NELL1: variants seen among roughly 807,000 people sequenced by gnomAD.
NELL1 encodes protein kinase C-binding protein NELL1.
Under a neutral mutation model 107.4 loss-of-function variants are expected in NELL1, and 76 were observed. That is an observed-to-expected ratio of 0.71 (90% CI 0.59 to 0.86). NELL1 has a LOEUF of 0.86. Ranked by LOEUF, NELL1 falls within the 40% of genes least tolerant of loss-of-function variation. The pLI is 0.00. For missense variants in NELL1, 1,024 were observed against 1,005.5 expected (o/e 1.02, Z -0.25); for synonymous variants, 353 against 341.2 (o/e 1.03, Z -0.38).
chr11:20,750,559 C>T (rs925339149), intron 2 of NELL1, among the ~76,000 whole-genome samples: 15 of 86,556 alleles, frequency 1.7e-4, no homozygotes, highest in Non-Finnish European at 3.7e-4. Flanking sequence ...TAATGTACCT[C>T]GGAATTATTA....
intron 13 of NELL1, among the ~76,000 whole-genome samples, chr11:21,180,183 A>G (rs1856799302): frequency 6.6e-6 from 1 of 151,728 alleles, no homozygotes; most frequent in African/African-American, 2.4e-5. Flanking sequence ...TGCTGTTCTT[A>G]TATAATTAAA....
intron 2 of NELL1, among the ~76,000 whole-genome samples, chr11:20,679,287 G>A (rs1336344450): frequency 6.6e-6 from 1 of 152,150 alleles, no homozygotes; most frequent in Non-Finnish European, 1.5e-5. Flanking sequence ...GTTTAAACAG[G>A]GAAATGAACT....
intron 13 of NELL1, chr11:21,170,138 G>T: frequency 2.9e-6 from 2 of 682,450 alleles, no homozygotes; most frequent in South Asian, 3.5e-5. Flanking sequence ...TTTGTTCCAT[G>T]ACTCCTTCAA....
intron 12 of NELL1, among the ~76,000 whole-genome samples, chr11:21,041,669 A>G (rs1338057874): frequency 6.6e-6 from 1 of 152,218 alleles, no homozygotes; most frequent in African/African-American, 2.4e-5. Flanking sequence ...CAAAGTTTTA[A>G]AAGTGGAAAA....
intron 5 of NELL1, among the ~76,000 whole-genome samples, chr11:20,900,821 T>G (rs1400549378): frequency 6.6e-6 from 1 of 152,098 alleles, no homozygotes; most frequent in African/African-American, 2.4e-5. Context: ...GAAAATTTGT[T>G]TTTATCTTCA....
At chr11:21,227,439 G>T (rs1300123513) in intron 13 of NELL1, among the ~76,000 whole-genome samples, 1 of 152,032 alleles carries the variant, frequency 6.6e-6, no homozygotes, top group Admixed American at 6.6e-5. Flanking sequence ...AAACGTTCAG[G>T]CTAGCAAAGA....
chr11:21,357,977 T>C (rs554610090), intron 14 of NELL1, among the ~76,000 whole-genome samples: 1 of 152,308 alleles, frequency 6.6e-6, no homozygotes, highest in African/African-American at 2.4e-5. Flanking sequence ...TTATTTCTGC[T>C]TTCTCTATTC....
intron 12 of NELL1, among the ~76,000 whole-genome samples, chr11:20,972,522 A>G (rs1245655225): frequency 6.6e-6 from 1 of 152,128 alleles, no homozygotes; most frequent in Non-Finnish European, 1.5e-5. Context: ...CCGTAGCATG[A>G]GATAGAATTA....
intron 15 of NELL1, among the ~76,000 whole-genome samples, chr11:21,427,055 C>T (rs572830607): frequency 6.6e-5 from 10 of 152,152 alleles, no homozygotes; most frequent in Non-Finnish European, 8.8e-5. Context: ...GCTGGTGGTG[C>T]GTGGGCCTGG....
intron 12 of NELL1, among the ~76,000 whole-genome samples, chr11:21,071,755 G>C (rs745723496): frequency 5.3e-5 from 8 of 152,150 alleles, no homozygotes; most frequent in Non-Finnish European, 7.3e-5. Context: ...ATCAAAGCTC[G>C]GCTCTAAGAG....
rs137948986 is a variant in NELL1 at position 20,721,181 on chromosome 11, G to GTATATATATATATATATATATATATA, written c.184+43137_184+43138insTATATATATATATATATATATATATA. Among the ~76,000 whole-genome samples the GTATATATATATATATATATATATATA allele has an allele frequency of 5.3e-3, 666 of 125,538 alleles. 26 individuals are homozygous for GTATATATATATATATATATATATATA. The highest frequency in any genetic ancestry group is 0.021 in the African/African-American group (579 of 27,592). 82.4% of individuals were successfully genotyped at this position (125,538 alleles called of 152,430 possible). A position where few individuals can be genotyped will look rare whatever the true frequency, so the allele number is the denominator to read the frequency against. On this transcript the variant is annotated intron_variant, in intron 2 of 19. Coordinates refer to ENST00000357134, the MANE Select transcript of NELL1 (RefSeq NM_006157.5). ...AATGAGATATAGATATATATTTTGTGTATATATATATATATAGTGTATATA... is the reference window on the plus strand; with the variant it reads ...AATGAGATATAGATATATATTTTGTGTATATATATATATATATATATATATATATATATATATATATAGTGTATATA...
chr11:21,319,994 A>AG (rs1271728369), intron 14 of NELL1, among the ~76,000 whole-genome samples: 1 of 150,972 alleles, frequency 6.6e-6, no homozygotes, highest in East Asian at 1.9e-4. Context: ...TGATGGGTGG[A>AG]GGGAGAGTAT....
At chr11:21,252,034 A>T (rs1257990423) in intron 14 of NELL1, among the ~76,000 whole-genome samples, 1 of 152,184 alleles carries the variant, frequency 6.6e-6, no homozygotes. Flanking sequence ...GTTTACACGC[A>T]AGACTGTGTC....
chr11:21,099,673 G>C (rs1056747491), intron 12 of NELL1, among the ~76,000 whole-genome samples: 8 of 152,166 alleles, frequency 5.3e-5, no homozygotes, highest in African/African-American at 1.9e-4. Flanking sequence ...CAACAACCCT[G>C]TGTTCCTCAG....
chr11:21,200,128 T>C (rs985103435), intron 13 of NELL1, among the ~76,000 whole-genome samples: 2 of 152,196 alleles, frequency 1.3e-5, no homozygotes, highest in African/African-American at 4.8e-5. Context: ...ATCTTTATAG[T>C]AGAATGATTT....
intron 12 of NELL1, among the ~76,000 whole-genome samples, chr11:20,965,814 G>A (rs185969797): frequency 9.5e-4 from 144 of 152,236 alleles, no homozygotes; most frequent in Non-Finnish European, 1.8e-3. Flanking sequence ...CAAACAGAAC[G>A]CAGCCCACAG....
chr11:21,254,931 A>G (rs545687068), intron 14 of NELL1, among the ~76,000 whole-genome samples: 1 of 152,228 alleles, frequency 6.6e-6, no homozygotes, highest in Admixed American at 6.5e-5. Flanking sequence ...ATTGCCTTCC[A>G]GAAGCATATT....
At chr11:20,931,478 T>C (rs1175636055) in intron 9 of NELL1, among the ~76,000 whole-genome samples, 1 of 152,178 alleles carries the variant, frequency 6.6e-6, no homozygotes, top group East Asian at 1.9e-4. Flanking sequence ...GTAATGCATA[T>C]GTTAGTTAGT....
Position 21,326,062 on chromosome 11 carries a change from T to G in NELL1, c.1550-44791T>G, listed in dbSNP as rs35297433. Among the ~76,000 whole-genome samples the G allele has an allele frequency of 1.3e-3, 121 of 90,184 alleles. 1 individual carries two copies. Among genetic ancestry groups the G allele is most frequent in the Middle Eastern group, 5.1e-3 (1 of 198 alleles). The allele number at this position is 90,184 out of a possible 152,430, so 59.2% of individuals were successfully genotyped here. A position where few individuals can be genotyped will look rare whatever the true frequency, so the allele number is the denominator to read the frequency against. ...GTGTTAATCCTAGTTTTTTTTTTTT[T>G]TTTTTTTTTTTTTTTTTTTGGGCTA... On this transcript the variant is annotated intron_variant, in intron 14 of 19. Coordinates refer to ENST00000357134, the MANE Select transcript of NELL1 (RefSeq NM_006157.5).
Sources: allele counts gnomAD v4.1 joint callset (sites outside exome capture counted in the v4.1 genomes callset), GRCh38; gene constraint gnomAD v4.1.1; transcripts MANE v1.5; gene names NCBI Gene and HGNC (gene_info 2026-07-23, HGNC 2026-07-21).